Variants in TMEM18 observed in about 807,000 individuals in gnomAD.
TMEM18 encodes the protein transmembrane protein 18.
In TMEM18, 14 loss-of-function variants were observed where a neutral mutation model predicts 17.4. The ratio of observed to expected loss-of-function variants is 0.80; its 90% CI spans 0.53 to 1.25. The LOEUF is 1.25. TMEM18 is among the 50% of genes most tolerant of loss of function. The pLI is 0.00. For missense variants in TMEM18, 187 were observed against 172.1 expected (o/e 1.09, Z -0.48); for synonymous variants, 86 against 66.1 (o/e 1.30, Z -1.46).
At position 677,348 on chromosome 2, in the gene TMEM18, T is replaced by TGTTG. The variant is rs1558183714; in HGVS notation, c.-7_-4dup. ...CTGACAGAGAAGGCGGACGGCATGG[T>TGTTG]GTTGGGAAGCCCGCTCTCACAGCAA... On this transcript the variant is annotated 5_prime_UTR_variant, in exon 1 of 5. Transcript: ENST00000281017. The TGTTG allele has an allele frequency of 1.2e-6, 2 of 1,611,310 alleles. No homozygotes were observed. The highest frequency in any genetic ancestry group is 4.5e-5 in the East Asian group (2 of 44,824).
At chr2:674,488 G>A (rs1678942281) in intron 2 of TMEM18, among the ~76,000 whole-genome samples, 1 of 152,180 alleles carries the variant, frequency 6.6e-6, no homozygotes, top group Non-Finnish European at 1.5e-5. Context: ...TGATAACACA[G>A]GTCTGTGATG....
Position 666,920 on chromosome 2 carries a change from C to T in TMEM18, c.*2660G>A, listed in dbSNP as rs1334234656. Among the ~76,000 whole-genome samples, 2 of 151,852 alleles carry T rather than the reference C, an allele frequency of 1.3e-5. No individual in the cohort carries two copies. The highest frequency in any genetic ancestry group is 2.4e-5 in the African/African-American group (1 of 41,316). The stretch of plus-strand genomic sequence containing the variant: ...CAGGGAAAAGATGCTTGGGCCTGAC[C>T]GGTATATCTCTGACGGCAATTCTCG... On this transcript the variant is annotated 3_prime_UTR_variant, in exon 5 of 5. Transcript: ENST00000281017.
At chr2:672,614 A>T (rs573089112) in intron 3 of TMEM18, among the ~76,000 whole-genome samples, 194 bp downstream of exon 3, 2 of 152,364 alleles carry the variant, frequency 1.3e-5, no homozygotes, top group South Asian at 4.1e-4. Flanking sequence ...CCACGCTCAG[A>T]AAGGGCCACT....
At chr2:677,087 C>T in intron 1 of TMEM18, 1 of 603,042 alleles carries the variant, frequency 1.7e-6, no homozygotes, top group South Asian at 2.0e-5. Flanking sequence ...GGGCCCAGGA[C>T]CCCGCCCACA....
chr2:671,425 T>C (rs34873973), intron 3 of TMEM18, among the ~76,000 whole-genome samples: 15 of 110,360 alleles, frequency 1.4e-4, no homozygotes, highest in Non-Finnish European at 1.7e-4. Context: ...GACTGAACCA[T>C]GTGAAGGCCC....
chr2:677,239 C>A lies in TMEM18; in HGVS notation c.57+50G>T. The A allele has an allele frequency of 1.9e-6, 3 of 1,580,420 alleles. No individual in the cohort carries two copies. In the East Asian group the frequency reaches 6.8e-5, roughly 36 times the overall value. ...GGTGCTCTGTGGGGCCTACCCTACGCCTCTCCGCCGTCCTCCCCCGAACTG... is the reference window on the plus strand; with the variant it reads ...GGTGCTCTGTGGGGCCTACCCTACGACTCTCCGCCGTCCTCCCCCGAACTG... On this transcript the variant is annotated intron_variant, in intron 1 of 4. Coordinates refer to ENST00000281017, the MANE Select transcript of TMEM18 (RefSeq NM_152834.4).
At chr2:677,212 C>T (rs1004781602) in intron 1 of TMEM18, 77 bp downstream of exon 1, 65 of 1,535,784 alleles carry the variant, frequency 4.2e-5, no homozygotes, top group Non-Finnish European at 5.4e-5. Flanking sequence ...GGCCACAGGC[C>T]GGGTGCTCTG....
rs1236056706 is a variant in TMEM18, at chr2:669,625, T to G, written c.378A>C (p.Ala126=). The G allele has an allele frequency of 6.2e-7, 1 of 1,614,236 alleles. No homozygotes were observed. Among genetic ancestry groups the G allele is most frequent in the African/African-American group, 1.3e-5 (1 of 75,060 alleles). Residue 126 remains alanine, a synonymous_variant, in exon 5 of 5, where the codon GCA becomes GCC. Coordinates refer to ENST00000281017, the MANE Select transcript of TMEM18 (RefSeq NM_152834.4). The stretch of plus-strand genomic sequence containing the variant: ...TTTTCTTTTCCTTTCTTCTCTCTTG[T>G]GCATTCTTCAGGTCAGTCATCACAT... ...TLNVMTDLKN[A]QERRKEKKRR... is the part of the protein sequence containing the mutation.
intron 2 of TMEM18, 119 bp downstream of exon 2, chr2:675,391 T>C (rs1678969694): frequency 5.5e-6 from 8 of 1,461,518 alleles, no homozygotes; most frequent in Non-Finnish European, 7.5e-6. Flanking sequence ...AGCAGGCACA[T>C]GACAGAGGGT....
At chr2:670,266 G>A (rs576026968) in intron 3 of TMEM18, 12 of 174,868 alleles carry the variant, frequency 6.9e-5, no homozygotes, top group Admixed American at 5.4e-4. Context: ...CAGCAGCTGC[G>A]TCTGCTCCAC....
chr2:670,135 C>A (rs1316136171), intron 3 of TMEM18: 4 of 375,818 alleles, frequency 1.1e-5, no homozygotes, highest in Non-Finnish European at 1.9e-5. Context: ...CGTCACCCTG[C>A]AAGCCCTCTG....
rs368276743 is a variant in TMEM18 at position 664,427 on chromosome 2, A to G, written c.*5153T>C. ...TATGTGTTACCAATTTTAACACATA[A>G]AATTAGAAATAGGTTTTTTAAAGCC... On this transcript the variant is annotated 3_prime_UTR_variant, in exon 5 of 5. Coordinates refer to ENST00000281017, the MANE Select transcript of TMEM18 (RefSeq NM_152834.4). Among the ~76,000 whole-genome samples the G allele has an allele frequency of 7.8e-4, 119 of 152,368 alleles. 2 individuals are homozygous for G. The South Asian group carries it at 0.011, about 14-fold the overall frequency.
rs1678676220 is a variant in TMEM18 at position 665,917 on chromosome 2, C to T, written c.*3663G>A. ...AGGACTCATGGAGGCAGTCACCCAG[C>T]TCACTCAGATGGAGTGTTAACCCCA... is the stretch of plus-strand genomic sequence containing the variant. On this transcript the variant is annotated 3_prime_UTR_variant, in exon 5 of 5. Coordinates refer to ENST00000281017, the MANE Select transcript of TMEM18 (RefSeq NM_152834.4). Among the ~76,000 whole-genome samples, 2 of 152,166 alleles carry T rather than the reference C, an allele frequency of 1.3e-5. No homozygotes were observed. The highest frequency in any genetic ancestry group is 2.9e-5 in the Non-Finnish European group (2 of 68,028).
In TMEM18 at chr2:668,971, G is replaced by A. The variant is rs1385944793; in HGVS notation, c.*609C>T. 6.6e-6 allele frequency: 1 copy of A among 152,364 alleles called. No homozygotes were observed. The highest frequency in any genetic ancestry group is 1.5e-5 in the Non-Finnish European group (1 of 68,168). 9.4% of individuals were successfully genotyped at this position (152,364 alleles called of 1,614,324 possible). The stretch of plus-strand genomic sequence containing the variant: ...AAGAGCTTCCTTCCAAGGTCTCTCT[G>A]CCCCAGCACAGCTGACATTTCATGT... On this transcript the variant is annotated 3_prime_UTR_variant, in exon 5 of 5. Coordinates refer to ENST00000281017, the MANE Select transcript of TMEM18 (RefSeq NM_152834.4).
At position 669,828 on chromosome 2, in the gene TMEM18, A is replaced by T; in HGVS notation, c.256T>A (p.Phe86Ile). The change falls in exon 4 of 5, where the codon TTC (phenylalanine) becomes ATC (isoleucine). Residue 86 changes from phenylalanine to isoleucine, a missense_variant. Coordinates refer to ENST00000281017, the MANE Select transcript of TMEM18 (RefSeq NM_152834.4). ...GAAATGAACATCCCCCTGGAGTCGA[A>T]ATACTGGTATTTCGAAAATAATCTG... is the stretch of plus-strand genomic sequence containing the variant. Reference protein sequence around the residue: ...NWRLFSKYQYFDSRGMFISIV... With the variant: ...NWRLFSKYQYIDSRGMFISIV... The T allele has an allele frequency of 1.9e-6, 3 of 1,612,914 alleles. No homozygotes were observed. Among genetic ancestry groups the T allele is most frequent in the Non-Finnish European group, 1.7e-6 (2 of 1,179,814 alleles).
rs1018394978 is a variant in TMEM18 at position 666,669 on chromosome 2, C to A, written c.*2911G>T. Among the ~76,000 whole-genome samples the A allele has an allele frequency of 6.6e-6, 1 of 152,180 alleles. No homozygotes were observed. Among genetic ancestry groups the A allele is most frequent in the East Asian group, 1.9e-4 (1 of 5,176 alleles). On this transcript the variant is annotated 3_prime_UTR_variant, in exon 5 of 5. Transcript: ENST00000281017. ...ATCCTGGGACTGGGCAGCGCCACCC[C>A]CTGGGTGCTCTTCTCTGCCCTGGCT...
At position 664,304 on chromosome 2, in the gene TMEM18, CTGA is replaced by C. The variant is rs1179797347; in HGVS notation, c.*5273_*5275del. Among the ~76,000 whole-genome samples the C allele has an allele frequency of 9.2e-5, 14 of 152,320 alleles. No individual in the cohort carries two copies. The highest frequency in any genetic ancestry group is 8.5e-4 in the Admixed American group (13 of 15,302). The stretch of plus-strand genomic sequence containing the variant: ...GTGGAACCTCAGCTCTTCACAGTTC[CTGA>C]TGATACATAAAGCAAAAAACTGTTT... On this transcript the variant is annotated 3_prime_UTR_variant, in exon 5 of 5. Coordinates refer to ENST00000281017, the MANE Select transcript of TMEM18 (RefSeq NM_152834.4).
In TMEM18 at chr2:670,069, G is replaced by A. The variant is rs1678800470; in HGVS notation, c.234-219C>T. ...AGAAAACACACTGGGTCACAGGACA[G>A]GGAGACACCACCCAGCAGCACAGGA... On this transcript the variant is annotated intron_variant, in intron 3 of 4. Coordinates refer to ENST00000281017, the MANE Select transcript of TMEM18 (RefSeq NM_152834.4). The A allele has an allele frequency of 5.7e-6, 3 of 528,322 alleles. No individual in the cohort carries two copies. The African/African-American group carries it at 5.7e-5, about 10-fold the overall frequency. 32.7% of individuals were successfully genotyped at this position (528,322 alleles called of 1,614,324 possible).
At chr2:675,252 C>T (rs1207087101) in intron 2 of TMEM18, among the ~76,000 whole-genome samples, 1 of 152,254 alleles carries the variant, frequency 6.6e-6, no homozygotes, top group African/African-American at 2.4e-5. Context: ...ACCCAACTCT[C>T]CTGTGTGCAG....
Sources: gnomAD v4.1 joint callset for allele counts (sites outside exome capture counted in the v4.1 genomes callset) on GRCh38, gnomAD v4.1.1 for gene constraint, MANE v1.5 for transcripts, NCBI Gene and HGNC (gene_info 2026-07-23, HGNC 2026-07-21) for gene names.